Variants in GRIN2B observed in about 807,000 individuals in gnomAD.
The protein encoded by GRIN2B is glutamate ionotropic receptor NMDA type subunit 2B.
In GRIN2B, 5 loss-of-function variants were observed where a neutral mutation model predicts 114.5. The observed-to-expected ratio is 0.04, with a 90% CI of 0.02 to 0.09. The LOEUF (loss-of-function observed/expected upper bound fraction) is 0.09, where lower values mean the gene tolerates loss of function less well. Among genes scored for constraint, GRIN2B ranks in the 10% least tolerant of loss-of-function variants. GRIN2B has a pLI of 1.00. For missense variants in GRIN2B, 1,108 were observed against 1,943.5 expected, an observed-to-expected ratio of 0.57 and a Z score of 8.08; for synonymous variants, 787 against 745.1, an observed-to-expected ratio of 1.06 and a Z score of -0.92.
intron 10 of GRIN2B, among the ~76,000 whole-genome samples, chr12:13,582,578 A>C (rs1948867264): frequency 1.3e-5 from 2 of 152,174 alleles, no homozygotes; most frequent in African/African-American, 4.8e-5. Flanking sequence ...AGAGACCTGC[A>C]CTTGGATGTG....
intron 4 of GRIN2B, among the ~76,000 whole-genome samples, chr12:13,728,324 T>C (rs984291144): frequency 6.6e-6 from 1 of 152,160 alleles, no homozygotes; most frequent in African/African-American, 2.4e-5. Flanking sequence ...AAAAAGAATA[T>C]TGAAGGCTAG....
chr12:13,954,637 C>A (rs764562244), intron 2 of GRIN2B, among the ~76,000 whole-genome samples: 1 of 151,382 alleles, frequency 6.6e-6, no homozygotes, highest in Non-Finnish European at 1.5e-5. Context: ...TGGTGAAACA[C>A]CATCTCTACC....
intron 2 of GRIN2B, 73 bp from the exon 3 acceptor site, chr12:13,866,299 C>A: frequency 3.8e-6 from 5 of 1,332,302 alleles, no homozygotes; most frequent in Non-Finnish European, 5.3e-6. Context: ...AGGCTAGATA[C>A]TGCAATTCAA....
At chr12:13,817,961 G>T (rs1249694649) in intron 3 of GRIN2B, among the ~76,000 whole-genome samples, 1 of 152,136 alleles carries the variant, frequency 6.6e-6, no homozygotes, top group Non-Finnish European at 1.5e-5. Flanking sequence ...GTATTGTAGT[G>T]GCAATTGTTA....
chr12:13,878,954 T>C (rs1170028547), intron 2 of GRIN2B, among the ~76,000 whole-genome samples: 2 of 152,234 alleles, frequency 1.3e-5, no homozygotes, highest in African/African-American at 4.8e-5. Flanking sequence ...GGTCATTAAA[T>C]GGGACTTTGC....
intron 4 of GRIN2B, among the ~76,000 whole-genome samples, chr12:13,693,471 G>A (rs909215278): frequency 8.6e-5 from 13 of 151,928 alleles, no homozygotes; most frequent in Non-Finnish European, 1.6e-4. Context: ...TATAAGAACC[G>A]CAAGCTCTCC....
chr12:13,860,924 G>A (rs1865741465), intron 3 of GRIN2B, among the ~76,000 whole-genome samples: 1 of 151,978 alleles, frequency 6.6e-6, no homozygotes, highest in African/African-American at 2.4e-5. Context: ...TAGTCCTAAT[G>A]CCAAGGACAA....
intron 4 of GRIN2B, among the ~76,000 whole-genome samples, chr12:13,727,435 T>G (rs1863010641): frequency 2.0e-5 from 3 of 152,306 alleles, no homozygotes; most frequent in South Asian, 4.1e-4. Flanking sequence ...GAAAAAGCAC[T>G]TGAGATTGTA....
At chr12:13,808,508 G>A (rs1397833932) in intron 3 of GRIN2B, among the ~76,000 whole-genome samples, 1 of 151,644 alleles carries the variant, frequency 6.6e-6, no homozygotes, top group Non-Finnish European at 1.5e-5. Flanking sequence ...TCCCTACAAA[G>A]GACATGAACT....
At chr12:13,594,122 C>T (rs185441860) in intron 10 of GRIN2B, among the ~76,000 whole-genome samples, 121 of 152,246 alleles carry the variant, frequency 7.9e-4, no homozygotes, top group African/African-American at 2.8e-3. Flanking sequence ...GTGGCAATTC[C>T]TCAAGGATCT....
intron 2 of GRIN2B, among the ~76,000 whole-genome samples, chr12:13,903,190 C>T (rs755977250): frequency 2.1e-4 from 32 of 152,054 alleles, no homozygotes; most frequent in East Asian, 5.8e-4. Flanking sequence ...AAAAACTTTA[C>T]GTTTCATGAA....
rs550949126 is a variant in GRIN2B at position 13,826,957 on chromosome 12, AAAAAGATATTTTTGTATCTTTTT to A, written c.411+38818_411+38840del. ...GCCTTTATTTTGCCTTTACATAGAT[AAAAAGATATTTTTGTATCTTTTT>A]AAAAGATATTTTTGCTAGGTGTAGA... On this transcript the variant is annotated intron_variant, in intron 3 of 13. Coordinates refer to ENST00000609686, the MANE Select transcript of GRIN2B (RefSeq NM_000834.5). Among the ~76,000 whole-genome samples the A allele has an allele frequency of 9.0e-4, 136 of 151,688 alleles. 1 individual carries two copies. The highest frequency in any genetic ancestry group is 2.7e-3 in the South Asian group (13 of 4,814).
chr12:13,978,485 TGAA>T (rs1323094971), intron 2 of GRIN2B, among the ~76,000 whole-genome samples: 2 of 152,192 alleles, frequency 1.3e-5, no homozygotes, highest in African/African-American at 4.8e-5. Context: ...TTCTGGACAA[TGAA>T]GAACTATCAT....
At chr12:13,762,518 C>G (rs531126254) in intron 3 of GRIN2B, among the ~76,000 whole-genome samples, 4 of 152,288 alleles carry the variant, frequency 2.6e-5, no homozygotes, top group African/African-American at 4.8e-5. Context: ...ATTAACATTC[C>G]CATCTCTTCA....
chr12:13,966,070 AG>A, intron 2 of GRIN2B, among the ~76,000 whole-genome samples: 1 of 152,178 alleles, frequency 6.6e-6, no homozygotes, highest in Non-Finnish European at 1.5e-5. Context: ...CTTGAATTCT[AG>A]GTTTTTCTTC....
At chr12:13,864,793 G>C (rs1417979525) in intron 3 of GRIN2B, among the ~76,000 whole-genome samples, 1 of 152,172 alleles carries the variant, frequency 6.6e-6, no homozygotes, top group African/African-American at 2.4e-5. Flanking sequence ...GAGATTTAAA[G>C]CAGTGGTTGT....
rs1805532 is a variant in GRIN2B, at chr12:13,615,369, C to A, written c.1501-102G>T. On this transcript the variant is annotated intron_variant, in intron 7 of 13. Transcript: ENST00000609686. This position sits in a 1 kb window ranked among gnomAD's most constrained non-coding sequence, Gnocchi z 5.8. ...AGTGGTTTTCTTTGTATAGTGGGAA[C>A]AATACATCTTATTTGCCATTTTATA... 918 of 1,416,290 alleles carry A rather than the reference C, an allele frequency of 6.5e-4. 8 individuals are homozygous for A. In the African/African-American group the frequency reaches 0.012, roughly 18 times the overall value. The allele number at this position is 1,416,290 out of a possible 1,614,324, so 87.7% of individuals were successfully genotyped here.
intron 2 of GRIN2B, among the ~76,000 whole-genome samples, chr12:13,960,046 C>T (rs897626698): frequency 3.3e-5 from 5 of 152,084 alleles, no homozygotes; most frequent in South Asian, 4.2e-4. Flanking sequence ...TGACATTTTG[C>T]GATGCCTCAT....
chr12:13,677,716 C>A (rs1284470865), intron 4 of GRIN2B, among the ~76,000 whole-genome samples: 1 of 151,852 alleles, frequency 6.6e-6, no homozygotes, highest in Non-Finnish European at 1.5e-5. Context: ...GTGTTGGCTA[C>A]TTAGTTCTTT....
Sources: gnomAD v4.1 joint callset for allele counts (sites outside exome capture counted in the v4.1 genomes callset) on GRCh38, gnomAD v4.1.1 for gene constraint, Gnocchi (gnomAD v3.1) non-coding constraint, MANE v1.5 for transcripts, NCBI Gene and HGNC (gene_info 2026-07-23, HGNC 2026-07-21) for gene names.